Variants in KCNH1 observed in about 807,000 individuals in gnomAD.
KCNH1 encodes the protein potassium voltage-gated channel subfamily H member 1.
In KCNH1, 27 loss-of-function variants were observed where a neutral mutation model predicts 69.2. The ratio of observed to expected loss-of-function variants is 0.39; its 90% CI spans 0.29 to 0.54. The LOEUF (loss-of-function observed/expected upper bound fraction) is 0.54. Ranked by LOEUF, KCNH1 falls within the 20% of genes least tolerant of loss-of-function variation. The pLI, the probability that KCNH1 is intolerant of heterozygous loss-of-function variation, is 0.68. For missense variants in KCNH1, 798 were observed against 1,261.6 expected (o/e 0.63, Z 5.57); for synonymous variants, 456 against 487.7 (o/e 0.93, Z 0.86).
chr1:210,990,420 T>C (rs1432009502), intron 6 of KCNH1, among the ~76,000 whole-genome samples: 2 of 152,312 alleles, frequency 1.3e-5, no homozygotes, highest in East Asian at 3.9e-4. Context: ...TACCCAGTGT[T>C]ATGCTAGGCA....
At chr1:210,691,681 T>G (rs1681530459) in intron 10 of KCNH1, among the ~76,000 whole-genome samples, 2 of 152,184 alleles carry the variant, frequency 1.3e-5, no homozygotes, top group African/African-American at 4.8e-5. Flanking sequence ...AAGTAGAATA[T>G]CTGGCTAAGG....
rs1380766691 is a variant in KCNH1 at position 210,678,325 on chromosome 1, A to G, written c.*4956T>C. 6.6e-6 allele frequency: 1 copy of G among 152,012 alleles called. No individual in the cohort carries two copies. Among genetic ancestry groups the G allele is most frequent in the Non-Finnish European group, 1.5e-5 (1 of 67,998 alleles). The allele number at this position is 152,012 out of a possible 1,614,324, so 9.4% of individuals were successfully genotyped here. ...GGCAAAAGCAAGTATCATGTATAAA[A>G]TAGTTTATTACCATAATAAATAAAA... is the stretch of plus-strand genomic sequence containing the variant. On this transcript the variant is annotated 3_prime_UTR_variant, in exon 11 of 11. Coordinates refer to ENST00000271751, the MANE Select transcript of KCNH1 (RefSeq NM_172362.3).
At chr1:210,792,352 G>A (rs761400099) in intron 9 of KCNH1, among the ~76,000 whole-genome samples, 29 of 152,058 alleles carry the variant, frequency 1.9e-4, no homozygotes, top group Non-Finnish European at 2.9e-4. Flanking sequence ...GTCTTACTCC[G>A]GACTGTGAGG....
intron 7 of KCNH1, among the ~76,000 whole-genome samples, chr1:210,854,442 A>G (rs1340472723): frequency 2.6e-5 from 4 of 152,250 alleles, no homozygotes; most frequent in Non-Finnish European, 5.9e-5. Context: ...TGGAAAACCT[A>G]CAACCAAAGG....
intron 10 of KCNH1, among the ~76,000 whole-genome samples, chr1:210,757,273 C>T (rs192696613): frequency 6.6e-6 from 1 of 152,218 alleles, no homozygotes; most frequent in Non-Finnish European, 1.5e-5. Context: ...TAGGACTTGA[C>T]GAATGATGGC....
intron 10 of KCNH1, among the ~76,000 whole-genome samples, chr1:210,737,966 A>T (rs1682919171): frequency 6.6e-6 from 1 of 151,904 alleles, no homozygotes; most frequent in Non-Finnish European, 1.5e-5. Context: ...CCTGCTCAAA[A>T]CCCTCCAAAG....
At chr1:210,999,087 C>T (rs1182957887) in intron 6 of KCNH1, among the ~76,000 whole-genome samples, 1 of 152,144 alleles carries the variant, frequency 6.6e-6, no homozygotes, top group Non-Finnish European at 1.5e-5. Flanking sequence ...GACACCCTGA[C>T]ATCACAATTA....
intron 7 of KCNH1, among the ~76,000 whole-genome samples, chr1:210,828,165 G>A (rs1685072615): frequency 6.6e-6 from 1 of 151,972 alleles, no homozygotes; most frequent in South Asian, 2.1e-4. Context: ...TATATAAAAT[G>A]GAGATAAGTA....
intron 7 of KCNH1, among the ~76,000 whole-genome samples, chr1:210,889,195 G>T (rs184892611): frequency 3.3e-5 from 5 of 152,244 alleles, no homozygotes; most frequent in Admixed American, 2.0e-4. Flanking sequence ...ACATCAAAAA[G>T]CTTCTCCACC....
intron 7 of KCNH1, among the ~76,000 whole-genome samples, chr1:210,897,892 A>G (rs1300337069): frequency 6.6e-6 from 1 of 152,176 alleles, no homozygotes; most frequent in African/African-American, 2.4e-5. Context: ...AGGAGACACA[A>G]GTCTATGGGC....
chr1:211,093,745 T>C lies in KCNH1; in HGVS notation c.311-3055A>G, dbSNP rs143293629. Among the ~76,000 whole-genome samples the C allele has an allele frequency of 3.7e-3, 557 of 152,348 alleles. 6 individuals carry two copies. The highest frequency in any genetic ancestry group is 0.013 in the African/African-American group (530 of 41,576). ...AGGGAAATGACCTCCTTTTTCGTGA[T>C]CTGGTGCTTCTCTGTGGAAGAACAT... On this transcript the variant is annotated intron_variant, in intron 3 of 10. Transcript: ENST00000271751.
At chr1:210,930,208 G>A (rs1687654721) in intron 6 of KCNH1, among the ~76,000 whole-genome samples, 1 of 152,124 alleles carries the variant, frequency 6.6e-6, no homozygotes, top group Non-Finnish European at 1.5e-5. Flanking sequence ...AATCAAGAGA[G>A]AGCCCACATA....
At chr1:211,075,931 C>T (rs207461060) in intron 5 of KCNH1, among the ~76,000 whole-genome samples, 4 of 152,236 alleles carry the variant, frequency 2.6e-5, no homozygotes, top group South Asian at 2.1e-4. Context: ...GAGATTATAT[C>T]CCGCACCTGG....
chr1:211,088,647 A>G (rs1176835394), intron 4 of KCNH1, among the ~76,000 whole-genome samples: 2 of 152,232 alleles, frequency 1.3e-5, no homozygotes, highest in African/African-American at 2.4e-5. Context: ...GGAGACATTA[A>G]GCGTGGTCTA....
chr1:210,963,370 T>A (rs373198575), intron 6 of KCNH1, among the ~76,000 whole-genome samples: 1 of 133,148 alleles, frequency 7.5e-6, no homozygotes, highest in Admixed American at 7.2e-5. Context: ...AAAAGCAGAA[T>A]GCCTCTTCTC....
chr1:210,818,682 T>C (rs1462410555), intron 7 of KCNH1, among the ~76,000 whole-genome samples: 1 of 152,226 alleles, frequency 6.6e-6, no homozygotes, highest in Non-Finnish European at 1.5e-5. Context: ...GCTCAAAACA[T>C]AATTCTTCCA....
intron 5 of KCNH1, among the ~76,000 whole-genome samples, chr1:211,024,905 G>T (rs1178735375): frequency 6.6e-6 from 1 of 152,050 alleles, no homozygotes; most frequent in Non-Finnish European, 1.5e-5. Flanking sequence ...GTTTTTAAGT[G>T]AATGAGTCAA....
At chr1:210,700,821 G>A (rs952285203) in intron 10 of KCNH1, among the ~76,000 whole-genome samples, 5 of 152,248 alleles carry the variant, frequency 3.3e-5, no homozygotes, top group African/African-American at 4.8e-5. Context: ...TTCTTGGTCC[G>A]TGGCTTGTCT....
At chr1:210,751,279 T>C (rs574107868) in intron 10 of KCNH1, among the ~76,000 whole-genome samples, 12 of 152,194 alleles carry the variant, frequency 7.9e-5, no homozygotes, top group Admixed American at 3.9e-4. Flanking sequence ...AGAAATCACA[T>C]TGATGAGGCT....
Sources: allele counts gnomAD v4.1 joint callset (sites outside exome capture counted in the v4.1 genomes callset), GRCh38; gene constraint gnomAD v4.1.1; transcripts MANE v1.5; gene names NCBI Gene and HGNC (gene_info 2026-07-23, HGNC 2026-07-21).